The following ANKHD1 variants were observed in gnomAD, a reference collection of about 807,000 sequenced individuals.
ANKHD1 encodes ankyrin repeat and KH domain containing 1.
In ANKHD1, 31 loss-of-function variants were observed where a neutral mutation model predicts 230.5. The observed-to-expected ratio is 0.13, with a 90% CI of 0.10 to 0.18. The LOEUF (loss-of-function observed/expected upper bound fraction) is 0.18, where lower values mean the gene tolerates loss of function less well. Ranked by LOEUF, ANKHD1 falls within the 10% of genes least tolerant of loss-of-function variation. The pLI is 1.00. For synonymous variants in ANKHD1, 1,074 were observed against 1,117.6 expected (o/e 0.96, Z 0.78); for missense variants, 2,256 against 3,071.3 (o/e 0.73, Z 6.27).
intron 1 of ANKHD1, 125 bp downstream of exon 1, chr5:140,402,398 T>C: frequency 7.8e-7 from 1 of 1,287,922 alleles, no homozygotes. Flanking sequence ...GTCGGCTCCA[T>C]GGCGGCGGTG....
At chr5:140,449,112 A>T in intron 6 of ANKHD1, 99 bp from the exon 7 acceptor site, 1 of 1,247,490 alleles carries the variant, frequency 8.0e-7, no homozygotes, top group South Asian at 1.5e-5. Flanking sequence ...AAGTTATCAA[A>T]TTCTTGTATA....
Position 140,446,995 on chromosome 5 carries a change from C to A in ANKHD1, c.1147+1020C>A, listed in dbSNP as rs532668789. ...TGTGATCTTGGCTCACTGCAACTTC[C>A]GCCTCCCGGGTTCAAGTGATTCTCC... On this transcript the variant is annotated intron_variant, in intron 6 of 33. Coordinates refer to ENST00000360839, the MANE Select transcript of ANKHD1 (RefSeq NM_017747.3). Among the ~76,000 whole-genome samples the A allele has an allele frequency of 4.6e-5, 7 of 151,982 alleles. No homozygotes were observed. The South Asian group carries it at 1.2e-3, about 27-fold the overall frequency.
intron 1 of ANKHD1, among the ~76,000 whole-genome samples, chr5:140,428,455 G>A (rs1355547068): frequency 1.3e-5 from 2 of 152,260 alleles, no homozygotes; most frequent in East Asian, 1.9e-4. Context: ...CCAACACAGC[G>A]AAACCCTGCC....
chr5:140,462,071 G>A (rs145251231), intron 9 of ANKHD1, among the ~76,000 whole-genome samples: 78 of 152,084 alleles, frequency 5.1e-4, no homozygotes, highest in African/African-American at 1.8e-3. Flanking sequence ...TTTTCCTGAT[G>A]ATATTGCTAT....
chr5:140,448,213 A>G (rs1774441564), intron 6 of ANKHD1, among the ~76,000 whole-genome samples: 1 of 152,140 alleles, frequency 6.6e-6, no homozygotes, highest in Non-Finnish European at 1.5e-5. Context: ...GAGAAAGAAT[A>G]AGAGAGTGGA....
chr5:140,527,967 C>T lies in ANKHD1; in HGVS notation c.5182C>T (p.His1728Tyr). ...ITAIQDVTGA[H>Y]IDVDKQKDKN... ...TGCAATACAGGATGTTACTGGTGCCCATATTGATGTGGATAAACAAAAAGA... is the reference window on the plus strand; with the variant it reads ...TGCAATACAGGATGTTACTGGTGCCTATATTGATGTGGATAAACAAAAAGA... Residue 1728 changes from histidine to tyrosine, a missense_variant, in exon 28 of 34, where the codon CAT (histidine) becomes TAT (tyrosine). His to Tyr is a moderately conservative substitution (Grantham distance 83). Transcript: ENST00000360839. This position sits in a 1 kb window ranked among gnomAD's most constrained non-coding sequence, Gnocchi z 4.5. The T allele has an allele frequency of 6.2e-7, 1 of 1,613,710 alleles. No homozygotes were observed. The highest frequency in any genetic ancestry group is 8.5e-7 in the Non-Finnish European group (1 of 1,179,854).
chr5:140,451,718 G>A (rs915525192), intron 7 of ANKHD1, among the ~76,000 whole-genome samples: 1 of 152,070 alleles, frequency 6.6e-6, no homozygotes, highest in African/African-American at 2.4e-5. Flanking sequence ...CCTTTCCCCA[G>A]GGTGGTCTCA....
chr5:140,539,208 A>G, intron 33 of ANKHD1, 125 bp downstream of exon 33: 1 of 1,514,454 alleles, frequency 6.6e-7, no homozygotes, highest in Non-Finnish European at 8.8e-7. Context: ...TTGCTTTTTC[A>G]ATATCAAGAT....
At chr5:140,433,657 G>GAT (rs1161852928) in intron 1 of ANKHD1, among the ~76,000 whole-genome samples, 2 of 152,016 alleles carry the variant, frequency 1.3e-5, no homozygotes, top group Non-Finnish European at 2.9e-5. Context: ...GTGAGAGAGA[G>GAT]ATATATATAT....
Position 140,441,028 on chromosome 5 carries a change from C to A in ANKHD1, c.799C>A (p.Arg267=), listed in dbSNP as rs777006053. 3 of 1,609,528 alleles carry A rather than the reference C, an allele frequency of 1.9e-6. No homozygotes were observed. The South Asian group carries it at 3.3e-5, about 18-fold the overall frequency. The change falls in exon 5 of 34, where the codon CGA becomes AGA. Residue 267 remains arginine, a synonymous_variant. Transcript: ENST00000360839. ...TGCTATGCATGCTAATGTTGAAGATCGAGGGAATAAAGGAGACATAACTCC... is the reference window on the plus strand; with the variant it reads ...TGCTATGCATGCTAATGTTGAAGATAGAGGGAATAAAGGAGACATAACTCC... ...LLAMHANVED[R]GNKGDITPLM... is the part of the protein sequence containing the mutation.
At chr5:140,440,296 AT>A in intron 4 of ANKHD1, 30 bp downstream of exon 4, 1 of 1,592,210 alleles carries the variant, frequency 6.3e-7, no homozygotes, top group Non-Finnish European at 8.5e-7. Context: ...AGTGATTAAA[AT>A]TGTGGAAGGG....
intron 14 of ANKHD1, among the ~76,000 whole-genome samples, chr5:140,487,670 A>G (rs1751571016): frequency 1.3e-5 from 2 of 152,190 alleles, no homozygotes; most frequent in South Asian, 4.1e-4. Flanking sequence ...TTATATTTGT[A>G]AATGAAATGT....
intron 10 of ANKHD1, among the ~76,000 whole-genome samples, chr5:140,467,920 T>G (rs1270120834): frequency 6.6e-6 from 1 of 152,096 alleles, no homozygotes; most frequent in African/African-American, 2.4e-5. Flanking sequence ...ATATCTGTTT[T>G]GGGCTATAAT....
At chr5:140,428,357 AGTGAACGAGACT>A (rs1772718693) in intron 1 of ANKHD1, among the ~76,000 whole-genome samples, 1 of 152,238 alleles carries the variant, frequency 6.6e-6, no homozygotes, top group African/African-American at 2.4e-5. Context: ...TTGAGCACTG[AGTGAACGAGACT>A]CCGTCTGCAA....
Position 140,485,997 on chromosome 5 carries a change from C to T in ANKHD1, c.2142+265C>T. ...AGTATTCTAAGTTGTTATCTTATTA[C>T]AACTAGGTTTTTCAGGGTTTTTTAT... On this transcript the variant is annotated intron_variant, in intron 13 of 33. Transcript: ENST00000360839. This position sits in a 1 kb window ranked among gnomAD's most constrained non-coding sequence, Gnocchi z 4.8. The T allele has an allele frequency of 2.7e-6, 1 of 370,048 alleles. No homozygotes were observed. The highest frequency in any genetic ancestry group is 5.2e-5 in the South Asian group (1 of 19,346). 22.9% of individuals were successfully genotyped at this position (370,048 alleles called of 1,614,324 possible). A position where few individuals can be genotyped will look rare whatever the true frequency, so the allele number is the denominator to read the frequency against.
intron 2 of ANKHD1, among the ~76,000 whole-genome samples, chr5:140,436,640 G>A (rs1661158963): frequency 6.6e-6 from 1 of 151,958 alleles, no homozygotes; most frequent in Non-Finnish European, 1.5e-5. Flanking sequence ...CAGCTACTCA[G>A]GCAGCTGAGG....
In ANKHD1 at chr5:140,496,766, A is replaced by C; in HGVS notation, c.2492A>C (p.Lys831Thr). 6.2e-7 allele frequency: 1 copy of C among 1,614,014 alleles called. No homozygotes were observed. Among genetic ancestry groups the C allele is most frequent in the Non-Finnish European group, 8.5e-7 (1 of 1,180,012 alleles). The change falls in exon 15 of 34, where the codon AAG becomes ACG. Residue 831 changes from lysine to threonine, a missense_variant. This residue lies in a region of ANKHD1 where 358 missense variants were observed against 397.7 expected (regional missense o/e 0.90). Coordinates refer to ENST00000360839, the MANE Select transcript of ANKHD1 (RefSeq NM_017747.3). Reference protein sequence around the residue: ...KKNREEQVQKKKKILKELQKV... With the variant: ...KKNREEQVQKTKKILKELQKV... ...AACAGAGAAGAGCAAGTCCAGAAGA[A>C]GAAGAAAATATTGAAAGAACTGCAG...
chr5:140,537,172 G>A (rs1315936317), intron 30 of ANKHD1: 8 of 757,772 alleles, frequency 1.1e-5, no homozygotes, highest in East Asian at 3.9e-5. Flanking sequence ...GGCAGAAATC[G>A]TGTAGGATAA....
At chr5:140,472,341 A>G (rs756371994) in intron 10 of ANKHD1, 1 of 1,605,654 alleles carries the variant, frequency 6.2e-7, no homozygotes, top group South Asian at 1.1e-5. Context: ...TAAAGAATAG[A>G]TGTTGTAGGT....
Sources: allele counts gnomAD v4.1 joint callset (sites outside exome capture counted in the v4.1 genomes callset), GRCh38; gene constraint gnomAD v4.1.1; regional missense constraint gnomAD v4.1.1; non-coding constraint Gnocchi (gnomAD v3.1); transcripts MANE v1.5; gene names NCBI Gene and HGNC (gene_info 2026-07-23, HGNC 2026-07-21).